The following SNRNP40 variants were observed in gnomAD, a reference collection of about 807,000 sequenced individuals.
SNRNP40 encodes U5 small nuclear ribonucleoprotein 40 kDa protein.
A neutral mutation model predicts 45.8 loss-of-function variants in SNRNP40; 21 were observed. That is an observed-to-expected ratio of 0.46 (90% CI 0.32 to 0.66). SNRNP40 has a LOEUF of 0.66. Among genes scored for constraint, SNRNP40 ranks in the 30% least tolerant of loss-of-function variants. The probability of loss-of-function intolerance (pLI) is 0.03; values close to 1 mark genes in which losing one functional copy is unlikely to be tolerated. For missense variants in SNRNP40, 344 were observed against 439.1 expected (o/e 0.78, Z 1.94); for synonymous variants, 142 against 163.8 (o/e 0.87, Z 1.01).
Position 31,261,565 on chromosome 1 carries a change from T to C in SNRNP40, c.988A>G (p.Ile330Val), listed in dbSNP as rs1645859347. Residue 330 changes from isoleucine (I) to valine (V), a missense_variant, in exon 9 of 10, where the codon ATC becomes GTC. By Grantham distance (29) the Ile-to-Val change is conservative. Around this residue, in one of 2 missense-constraint regions of SNRNP40, gnomAD observed 254 missense variants for 380.2 expected, o/e 0.67. Transcript: ENST00000263694. ...TCAGGGTGGAAAGCCACTTCATTGA[T>C]GGAGCCAGCATGGCCGGGCAGCTTA... ...LYKLPGHAGSINEVAFHPDEP... is the reference protein window; with the variant it reads ...LYKLPGHAGSVNEVAFHPDEP... 1.2e-6 allele frequency: 2 copies of C among 1,613,964 alleles called. No homozygotes were observed. Among genetic ancestry groups the C allele is most frequent in the Non-Finnish European group, 1.7e-6 (2 of 1,179,948 alleles).
chr1:31,296,637 C>T lies in SNRNP40; in HGVS notation c.115G>A (p.Ala39Thr). The T allele has an allele frequency of 6.2e-7, 1 of 1,612,658 alleles. No individual in the cohort carries two copies. The highest frequency in any genetic ancestry group is 2.2e-5 in the East Asian group (1 of 44,850). ...GCTTGCAGCAAGGCTCCCGGCGTCG[C>T]CTGCTGCTGCCCGGCTCCTGGGCCA... is the stretch of plus-strand genomic sequence containing the variant. ...GSGPGAGQQQ[A>T]TPGALLQAGP... Residue 39 changes from alanine to threonine, a missense_variant, in exon 1 of 10, where the codon GCG (alanine) becomes ACG (threonine). Transcript: ENST00000263694.
intron 5 of SNRNP40, among the ~76,000 whole-genome samples, chr1:31,275,408 T>G (rs1569648549): frequency 1.4e-5 from 2 of 138,470 alleles, no homozygotes; most frequent in East Asian, 4.3e-4. Context: ...TTTTTTTTTC[T>G]AATCAGGACA....
intron 4 of SNRNP40, among the ~76,000 whole-genome samples, chr1:31,284,733 C>A (rs1487273171): frequency 1.3e-5 from 2 of 152,200 alleles, no homozygotes; most frequent in Non-Finnish European, 2.9e-5. Context: ...CAAGGAGAGT[C>A]TGAGTAGGAT....
intron 5 of SNRNP40, among the ~76,000 whole-genome samples, chr1:31,271,912 C>A (rs6425728): frequency 1.3e-5 from 2 of 152,206 alleles, no homozygotes; most frequent in African/African-American, 4.8e-5. Flanking sequence ...TGGATTAACA[C>A]GCATGAGCCA....
At chr1:31,285,035 C>G (rs1189141708) in intron 4 of SNRNP40, among the ~76,000 whole-genome samples, 2 of 152,066 alleles carry the variant, frequency 1.3e-5, no homozygotes, top group African/African-American at 4.8e-5. Flanking sequence ...TCACTCAGGT[C>G]AAATCTATCT....
chr1:31,267,464 C>CT (rs1455947794), intron 8 of SNRNP40, among the ~76,000 whole-genome samples: 1 of 152,194 alleles, frequency 6.6e-6, no homozygotes, highest in East Asian at 1.9e-4. Context: ...AGTCATAACT[C>CT]TATGTCTGCT....
In SNRNP40 at chr1:31,291,906, T is replaced by C. The variant is rs1409794851; in HGVS notation, c.365+7A>G. 6.3e-7 allele frequency: 1 copy of C among 1,578,494 alleles called. No homozygotes were observed. The highest frequency in any genetic ancestry group is 1.7e-5 in the Admixed American group (1 of 59,976). ...GAAGCTGTCCTTCCATTATGCAGAATACTCACCTGCCATCTGTGTTGTAAT... is the reference window on the plus strand; with the variant it reads ...GAAGCTGTCCTTCCATTATGCAGAACACTCACCTGCCATCTGTGTTGTAAT... On this transcript the variant is annotated splice_region_variant and intron_variant, in intron 3 of 9. Coordinates refer to ENST00000263694, the MANE Select transcript of SNRNP40 (RefSeq NM_004814.3).
Position 31,267,953 on chromosome 1 carries a change from C to G in SNRNP40, c.859-21G>C, listed in dbSNP as rs771420614. 2.5e-6 allele frequency: 4 copies of G among 1,584,006 alleles called. No homozygotes were observed. In the South Asian group the frequency reaches 4.4e-5, roughly 18 times the overall value. On this transcript the variant is annotated intron_variant, in intron 7 of 9. Coordinates refer to ENST00000263694, the MANE Select transcript of SNRNP40 (RefSeq NM_004814.3). ...AGGTTCTATGATAAACAAGAATCCA[C>G]TGAATAGTAATATACCAAACTCCTC...
At chr1:31,264,603 G>A (rs1203042583) in intron 8 of SNRNP40, among the ~76,000 whole-genome samples, 2 of 152,192 alleles carry the variant, frequency 1.3e-5, no homozygotes, top group East Asian at 1.9e-4. Context: ...TATGCAAAGT[G>A]CCTGGCACAC....
chr1:31,290,292 C>T (rs1001817366), intron 3 of SNRNP40, among the ~76,000 whole-genome samples: 1 of 152,162 alleles, frequency 6.6e-6, no homozygotes, highest in Non-Finnish European at 1.5e-5. Flanking sequence ...GCCTCAGCCT[C>T]CCAAATAGCT....
intron 3 of SNRNP40, among the ~76,000 whole-genome samples, chr1:31,290,580 T>C (rs1646097293): frequency 6.6e-6 from 1 of 152,140 alleles, no homozygotes; most frequent in Admixed American, 6.6e-5. Flanking sequence ...GCAAATAAGA[T>C]TGTACACACA....
intron 3 of SNRNP40, among the ~76,000 whole-genome samples, chr1:31,290,175 A>G (rs796282941): frequency 2.0e-5 from 3 of 152,230 alleles, no homozygotes; most frequent in African/African-American, 7.2e-5. Flanking sequence ...GATGATTTCT[A>G]AGTTATAACT....
intron 3 of SNRNP40, among the ~76,000 whole-genome samples, chr1:31,290,963 T>C (rs993787588): frequency 2.2e-4 from 33 of 151,816 alleles, no homozygotes; most frequent in Non-Finnish European, 4.0e-4. Context: ...CAGTTCTGAG[T>C]AGAAAAAAAG....
chr1:31,281,316 A>G, intron 5 of SNRNP40, 58 bp downstream of exon 5: 6 of 1,466,570 alleles, frequency 4.1e-6, no homozygotes, highest in Non-Finnish European at 5.6e-6. Flanking sequence ...AGTTTGAAAA[A>G]ATTCGTTTCT....
intron 4 of SNRNP40, among the ~76,000 whole-genome samples, chr1:31,286,845 T>G (rs1557679461): frequency 6.6e-6 from 1 of 152,194 alleles, no homozygotes; most frequent in Non-Finnish European, 1.5e-5. Flanking sequence ...TGGGCCACCT[T>G]GGCCCATCTC....
At chr1:31,293,425 G>A in intron 1 of SNRNP40, 77 bp from the exon 2 acceptor site, 3 of 1,412,720 alleles carry the variant, frequency 2.1e-6, no homozygotes, top group Non-Finnish European at 2.9e-6. Context: ...GGGGAGTGGA[G>A]GGAAAAGACC....
At chr1:31,271,152 A>G (rs1168360679) in intron 6 of SNRNP40, 2 of 430,100 alleles carry the variant, frequency 4.7e-6, no homozygotes, top group East Asian at 7.5e-5. Flanking sequence ...TCTTAAAGGT[A>G]AAGTCCAATC....
chr1:31,261,800 G>T, intron 8 of SNRNP40, 168 bp from the exon 9 acceptor site: 1 of 520,078 alleles, frequency 1.9e-6, no homozygotes, highest in South Asian at 2.8e-5. Flanking sequence ...ATAAGACATG[G>T]ACTCACCTCT....
At chr1:31,273,698 G>C (rs1645954673) in intron 5 of SNRNP40, among the ~76,000 whole-genome samples, 1 of 152,096 alleles carries the variant, frequency 6.6e-6, no homozygotes, top group Non-Finnish European at 1.5e-5. Flanking sequence ...ATCCTACTCA[G>C]CTGTTCAATG....
Sources: allele counts gnomAD v4.1 joint callset (sites outside exome capture counted in the v4.1 genomes callset), GRCh38; gene constraint gnomAD v4.1.1; regional missense constraint gnomAD v4.1.1; transcripts MANE v1.5; gene names NCBI Gene and HGNC (gene_info 2026-07-23, HGNC 2026-07-21).